ACSM2B: variants seen among roughly 807,000 people sequenced by gnomAD.
ACSM2B encodes acyl-CoA synthetase medium chain family member 2B, also known as acyl-coenzyme A synthetase ACSM2B, mitochondrial.
ACSM2B carries 58 observed loss-of-function variants against 78.6 expected under a neutral mutation model. The ratio of observed to expected loss-of-function variants is 0.74; its 90% confidence interval spans 0.60 to 0.92. ACSM2B has a LOEUF of 0.92. Among genes scored for constraint, ACSM2B ranks in the 40% least tolerant of loss-of-function variants. The probability of loss-of-function intolerance (pLI) is 0.00; values close to 1 mark genes in which losing one functional copy is unlikely to be tolerated. For missense variants in ACSM2B, 688 were observed against 711.2 expected (o/e 0.97, Z 0.37); for synonymous variants, 257 against 256.8 (o/e 1.00, Z -0.01).
intron 13 of ACSM2B, 70 bp downstream of exon 13, chr16:20,540,584 A>T: frequency 6.3e-7 from 1 of 1,586,742 alleles, no homozygotes; most frequent in East Asian, 2.3e-5. Context: ...CTCCTCCTGA[A>T]GAAGATAAAT....
At chr16:20,549,216 CAGAATGTAAT>C (rs1364036990) in intron 6 of ACSM2B, among the ~76,000 whole-genome samples, 1 of 152,104 alleles carries the variant, frequency 6.6e-6, no homozygotes, top group East Asian at 1.9e-4. Context: ...TTTCTTTATG[CAGAATGTAAT>C]AGAGTATTGT....
At chr16:20,544,947 C>G in intron 10 of ACSM2B, 1 of 1,038,234 alleles carries the variant, frequency 9.6e-7, no homozygotes, top group Non-Finnish European at 1.3e-6. Flanking sequence ...AAAAATAAGT[C>G]TTCCAATGAG....
Position 20,547,277 on chromosome 16 carries a change from C to T in ACSM2B, c.1098+785G>A, listed in dbSNP as rs150540412. On this transcript the variant is annotated intron_variant, in intron 8 of 13. Coordinates refer to ENST00000329697, the MANE Select transcript of ACSM2B (RefSeq NM_001105069.2). ...CCTCTGAATGGTGGGAGGCCCCTGC[C>T]AGGGTATGCTTGCCACAACTCCATT... 1.1e-4 allele frequency: 110 copies of T among 985,390 alleles called. 2 individuals carry two copies. The East Asian group carries it at 9.4e-3, about 84-fold the overall frequency. 61.0% of individuals were successfully genotyped at this position (985,390 alleles called of 1,614,324 possible).
rs138313532 is a variant in ACSM2B at position 20,548,404 on chromosome 16, C to T, written c.964G>A (p.Asp322Asn). The T allele has an allele frequency of 8.7e-3, 14,065 of 1,613,598 alleles. 72 individuals carry two copies. Among genetic ancestry groups the T allele is most frequent in the Non-Finnish European group, 0.01 (12,072 of 1,179,704 alleles). Residue 322 changes from aspartate to asparagine, a missense_variant, in exon 7 of 14, where the codon GAT becomes AAT. Asp to Asn is a conservative substitution (Grantham distance 23). Transcript: ENST00000329697. ...TCAAAGCCCCATCACCTGGAAAGATCCTGCTGTAGCAACATCCGGTAAACA... is the reference window on the plus strand; with the variant it reads ...TCAAAGCCCCATCACCTGGAAAGATTCTGCTGTAGCAACATCCGGTAAACA... ...PIVYRMLLQQ[D>N]LSSYKFPHLQ...
chr16:20,575,050 A>C (rs888067910), intron 1 of ACSM2B, among the ~76,000 whole-genome samples: 3 of 150,848 alleles, frequency 2.0e-5, no homozygotes, highest in Admixed American at 1.3e-4. Context: ...ATTTTGTATA[A>C]CTCTTTAAAC....
chr16:20,548,017 G>T (rs573481910), intron 8 of ACSM2B, 45 bp downstream of exon 8: 2 of 1,601,436 alleles, frequency 1.2e-6, no homozygotes, highest in East Asian at 4.5e-5. Context: ...GAATTTTGAA[G>T]CCCAAAAAGT....
chr16:20,575,991 G>T (rs1347675335), intron 1 of ACSM2B, among the ~76,000 whole-genome samples: 3 of 150,214 alleles, frequency 2.0e-5, no homozygotes, highest in Admixed American at 6.6e-5. Flanking sequence ...CCTTTTTCCA[G>T]CTGCCCTCGT....
At chr16:20,561,864 C>T (rs1309826932) in intron 2 of ACSM2B, among the ~76,000 whole-genome samples, 20 of 102,146 alleles carry the variant, frequency 2.0e-4, no homozygotes, top group African/African-American at 7.1e-4. Flanking sequence ...TCCCTCCCCC[C>T]TCCCCCCACC....
At chr16:20,567,618 A>G (rs1364326579) in intron 1 of ACSM2B, among the ~76,000 whole-genome samples, 3 of 136,090 alleles carry the variant, frequency 2.2e-5, no homozygotes, top group East Asian at 4.1e-4. Flanking sequence ...TATAATATAT[A>G]GTATATTATA....
chr16:20,566,709 GTATATATAGTAT>G (rs2015883427), intron 1 of ACSM2B, among the ~76,000 whole-genome samples: 1 of 16,962 alleles, frequency 5.9e-5, no homozygotes, highest in Non-Finnish European at 8.6e-5. Flanking sequence ...TATATATATA[GTATATATAGTAT>G]ATACTATATA....
At chr16:20,566,087 G>A (rs1441395044) in intron 1 of ACSM2B, among the ~76,000 whole-genome samples, 1 of 142,706 alleles carries the variant, frequency 7.0e-6, no homozygotes, top group Non-Finnish European at 1.5e-5. Context: ...TACTATGTAT[G>A]TATTATATAG....
intron 1 of ACSM2B, among the ~76,000 whole-genome samples, chr16:20,575,208 C>G (rs1023506780): frequency 1.3e-5 from 2 of 151,328 alleles, no homozygotes; most frequent in African/African-American, 4.9e-5. Flanking sequence ...CCTCTAGAAC[C>G]ACTTCTGGTA....
intron 4 of ACSM2B, 182 bp from the exon 5 acceptor site, chr16:20,554,102 A>G (rs1218019866): frequency 2.1e-6 from 2 of 971,350 alleles, no homozygotes; most frequent in Admixed American, 4.0e-5. Context: ...GGGTTTGAAA[A>G]CTACTCAAGT....
intron 3 of ACSM2B, 50 bp from the exon 4 acceptor site, chr16:20,555,526 C>G: frequency 1.2e-6 from 2 of 1,605,940 alleles, no homozygotes; most frequent in Non-Finnish European, 1.7e-6. Context: ...TTTCTTTGTC[C>G]CTAGAGAAGC....
chr16:20,560,212 C>T (rs1462463150), intron 2 of ACSM2B, among the ~76,000 whole-genome samples: 1 of 151,098 alleles, frequency 6.6e-6, no homozygotes, highest in Non-Finnish European at 1.5e-5. Context: ...TTCTACTTTC[C>T]TACTCTATGA....
At chr16:20,546,242 C>G in intron 9 of ACSM2B, 152 bp downstream of exon 9, 1 of 1,377,810 alleles carries the variant, frequency 7.3e-7, no homozygotes, top group Non-Finnish European at 9.5e-7. Context: ...TCACTCTCTC[C>G]TTCCCCCTAA....
intron 3 of ACSM2B, among the ~76,000 whole-genome samples, chr16:20,557,852 C>T (rs574116212): frequency 2.6e-5 from 4 of 152,306 alleles, no homozygotes; most frequent in African/African-American, 9.6e-5. Context: ...TGAGGGAAAT[C>T]TGACATAGCT....
Position 20,545,315 on chromosome 16 carries a change from G to A in ACSM2B, c.1180-57C>T. On this transcript the variant is annotated intron_variant, in intron 9 of 13. Coordinates refer to ENST00000329697, the MANE Select transcript of ACSM2B (RefSeq NM_001105069.2). ...CACACAGCAGGAGATGGCTTCAATG[G>A]CAGCAGGAGATTGCTGAGTTGGTCA... 4 of 1,573,494 alleles carry A rather than the reference G, an allele frequency of 2.5e-6. No individual in the cohort carries two copies. In the South Asian group the frequency reaches 4.6e-5, roughly 18 times the overall value.
intron 6 of ACSM2B, among the ~76,000 whole-genome samples, chr16:20,550,765 G>T (rs961093083): frequency 6.6e-6 from 1 of 151,948 alleles, no homozygotes; most frequent in South Asian, 2.1e-4. Flanking sequence ...TCCAACATAG[G>T]GTGTATCTTC....
Sources: allele counts gnomAD v4.1 joint callset (sites outside exome capture counted in the v4.1 genomes callset), GRCh38; gene constraint gnomAD v4.1.1; transcripts MANE v1.5; gene names NCBI Gene and HGNC (gene_info 2026-07-23, HGNC 2026-07-21).